The following EPHX2 variants were observed in gnomAD, a reference collection of about 807,000 sequenced individuals.
EPHX2 encodes epoxide hydrolase 2.
Under a neutral mutation model 78.7 loss-of-function variants are expected in EPHX2, and 74 were observed. The ratio of observed to expected loss-of-function variants is 0.94; its 90% CI spans 0.78 to 1.14. The LOEUF is 1.14. EPHX2 is among the 50% of genes most tolerant of loss of function. The pLI is 0.00. For synonymous variants in EPHX2, 251 were observed against 255.2 expected (o/e 0.98, Z 0.16); for missense variants, 715 against 702.5 (o/e 1.02, Z -0.20).
At chr8:27,506,733 G>A (rs2132725943) in intron 4 of EPHX2, 139 bp from the exon 5 acceptor site, 1 of 1,229,218 alleles carries the variant, frequency 8.1e-7, no homozygotes, top group Non-Finnish European at 1.1e-6. Context: ...TGCGTATGTT[G>A]TGTAATTAAA....
At chr8:27,499,838 G>GGGT (rs1408143291) in intron 1 of EPHX2, among the ~76,000 whole-genome samples, 1 of 147,134 alleles carries the variant, frequency 6.8e-6, no homozygotes, top group Admixed American at 6.7e-5. Context: ...CTTGTTAACA[G>GGGT]TGTTCTCCCT....
intron 12 of EPHX2, among the ~76,000 whole-genome samples, chr8:27,531,045 G>A (rs1419549753): frequency 6.6e-6 from 1 of 152,216 alleles, no homozygotes; most frequent in Non-Finnish European, 1.5e-5. Flanking sequence ...TTACAGGCAT[G>A]AGCCACCACG....
At chr8:27,541,660 A>G in intron 16 of EPHX2, 118 bp downstream of exon 16, 4 of 1,029,072 alleles carry the variant, frequency 3.9e-6, no homozygotes, top group South Asian at 1.4e-5. Flanking sequence ...TCTGCTGGCC[A>G]CCTCCTTTCC....
intron 1 of EPHX2, among the ~76,000 whole-genome samples, chr8:27,499,514 C>T (rs1278109633): frequency 1.3e-5 from 2 of 152,186 alleles, no homozygotes; most frequent in Non-Finnish European, 2.9e-5. Context: ...AGAAATAAAG[C>T]TCCCAGGATG....
chr8:27,505,253 C>A, intron 4 of EPHX2, 107 bp downstream of exon 4: 2 of 1,066,400 alleles, frequency 1.9e-6, no homozygotes, highest in Non-Finnish European at 2.8e-6. Flanking sequence ...GGCAGGACAG[C>A]TCTGAGTCCA....
chr8:27,526,244 A>T (rs1434394123), intron 12 of EPHX2, among the ~76,000 whole-genome samples: 1 of 152,220 alleles, frequency 6.6e-6, no homozygotes, highest in African/African-American at 2.4e-5. Context: ...CCCAGTTTCG[A>T]TTCAACGAGT....
rs766917110 is a variant in EPHX2 at position 27,505,005 on chromosome 8, G to C, written c.396G>C (p.Glu132Asp). 1.2e-6 allele frequency: 2 copies of C among 1,614,136 alleles called. No individual in the cohort carries two copies. Among genetic ancestry groups the C allele is most frequent in the Admixed American group, 3.3e-5 (2 of 60,014 alleles). ...LTNTWLDDRA[E>D]RDGLAQLMCE... ...ACACCTGGCTGGACGACCGTGCTGA[G>C]AGAGATGGCCTGGCCCAGCTGATGT... Residue 132 changes from glutamate (E) to aspartate (D), a missense_variant, in exon 4 of 19, where the codon GAG becomes GAC. By Grantham distance (45) the Glu-to-Asp change is conservative (BLOSUM62 2). Coordinates refer to ENST00000521400, the MANE Select transcript of EPHX2 (RefSeq NM_001979.6).
intron 6 of EPHX2, 61 bp downstream of exon 6, chr8:27,511,971 C>A: frequency 6.6e-7 from 1 of 1,515,364 alleles, no homozygotes; most frequent in Non-Finnish European, 9.2e-7. Flanking sequence ...CTAAAACGAC[C>A]AGCAGAGACA....
In EPHX2 at chr8:27,522,322, G is replaced by T. The variant is rs1814677429; in HGVS notation, c.973-101G>T. On this transcript the variant is annotated intron_variant, in intron 10 of 18. Transcript: ENST00000521400. The stretch of plus-strand genomic sequence containing the variant: ...TTTGGAGAGCTGCTGTGGGTCGGGG[G>T]AGGAGACCCTGGTGTCGAGGGGCTG... The T allele has an allele frequency of 6.5e-6, 7 of 1,084,718 alleles. No individual in the cohort carries two copies. In the South Asian group the frequency reaches 9.7e-5, roughly 15 times the overall value. 67.2% of individuals were successfully genotyped at this position (1,084,718 alleles called of 1,614,324 possible). A position where few individuals can be genotyped will look rare whatever the true frequency, so the allele number is the denominator to read the frequency against.
At position 27,544,501 on chromosome 8, in the gene EPHX2, A is replaced by C; in HGVS notation, c.1647A>C (p.Pro549=). 2 of 1,613,808 alleles carry C rather than the reference A, an allele frequency of 1.2e-6. No homozygotes were observed. Among genetic ancestry groups the C allele is most frequent in the Non-Finnish European group, 1.7e-6 (2 of 1,180,014 alleles). ...GGCTGGATTCTGATGCCCGGAACCC[A>C]CCGGTGGTCTCAAAGATGTAGAACG... ...IKWLDSDARN[P]PVVSKM The change falls in exon 19 of 19, where the codon CCA becomes CCC. Residue 549 remains proline (P), a synonymous_variant. Transcript: ENST00000521400.
At chr8:27,502,288 G>A (rs1813829715) in intron 2 of EPHX2, among the ~76,000 whole-genome samples, 1 of 152,194 alleles carries the variant, frequency 6.6e-6, no homozygotes, top group South Asian at 2.1e-4. Flanking sequence ...TCTCATTGCT[G>A]CATGACATTC....
chr8:27,547,859 A>G (rs1480227771), downstream of EPHX2, among the ~76,000 whole-genome samples: 1 of 152,230 alleles, frequency 6.6e-6, no homozygotes, highest in Non-Finnish European at 1.5e-5. Context: ...CTCCATTTCC[A>G]TCCGCGTTGC....
chr8:27,492,770 G>A (rs1012631541), intron 1 of EPHX2: 3 of 165,066 alleles, frequency 1.8e-5, no homozygotes, highest in Admixed American at 6.5e-5. Context: ...GCTGCTGATT[G>A]TGCGTTTTAC....
At position 27,544,284 on chromosome 8, in the gene EPHX2, G is replaced by GC. The variant is rs1815512494; in HGVS notation, c.1589+46dup. On this transcript the variant is annotated intron_variant, in intron 18 of 18. Transcript: ENST00000521400. The stretch of plus-strand genomic sequence containing the variant: ...GGCTCCTGGGGTCGGGGAGAGCAGG[G>GC]CCCCCCGTTCACCTTCCATAAAAGC... 6 of 1,610,092 alleles carry GC rather than the reference G, an allele frequency of 3.7e-6. No homozygotes were observed. The South Asian group carries it at 6.6e-5, about 18-fold the overall frequency.
intron 18 of EPHX2, 82 bp from the exon 19 acceptor site, chr8:27,544,362 C>T (rs1815515353): frequency 1.3e-6 from 2 of 1,592,770 alleles, no homozygotes; most frequent in Admixed American, 1.7e-5. Context: ...TCATGTCACT[C>T]ACCTCTGCCT....
At chr8:27,492,682 G>A (rs1362127551) in intron 1 of EPHX2, among the ~76,000 whole-genome samples, 1 of 152,086 alleles carries the variant, frequency 6.6e-6, no homozygotes, top group African/African-American at 2.4e-5. Context: ...TTCCCTTATT[G>A]TCCTCTCCCA....
At chr8:27,506,247 G>A (rs1351341761) in intron 4 of EPHX2, among the ~76,000 whole-genome samples, 1 of 152,132 alleles carries the variant, frequency 6.6e-6, no homozygotes, top group Non-Finnish European at 1.5e-5. Context: ...GTCTCCCAAA[G>A]TGCTGGGATT....
At chr8:27,499,614 ATTAC>A (rs1273271797) in intron 1 of EPHX2, among the ~76,000 whole-genome samples, 1 of 152,208 alleles carries the variant, frequency 6.6e-6, no homozygotes, top group East Asian at 1.9e-4. Context: ...GCCAGTTAAA[ATTAC>A]TTTCCAGACC....
At chr8:27,514,095 A>G (rs4149242) in intron 6 of EPHX2, among the ~76,000 whole-genome samples, 16,599 of 152,114 alleles carry the variant, frequency 0.11, 1,298 homozygotes, top group Middle Eastern at 0.23. Flanking sequence ...AGGCAGGAGG[A>G]TCACTTAATG....
Sources: gnomAD v4.1 joint callset for allele counts (sites outside exome capture counted in the v4.1 genomes callset) on GRCh38, gnomAD v4.1.1 for gene constraint, MANE v1.5 for transcripts, NCBI Gene and HGNC (gene_info 2026-07-23, HGNC 2026-07-21) for gene names.